Variants in RANBP2 observed in about 807,000 individuals in gnomAD.
RANBP2 encodes the protein E3 SUMO-protein ligase RanBP2.
A neutral mutation model predicts 303.6 loss-of-function variants in RANBP2; 57 were observed. The ratio of observed to expected loss-of-function variants is 0.19; its 90% CI spans 0.15 to 0.23. The LOEUF is 0.23. Ranked by LOEUF, RANBP2 falls within the 10% of genes least tolerant of loss-of-function variation. The probability of loss-of-function intolerance (pLI) is 1.00; values close to 1 mark genes in which losing one functional copy is unlikely to be tolerated. For synonymous variants in RANBP2, 1,167 were observed against 1,301.5 expected (o/e 0.90, Z 2.23); for missense variants, 3,138 against 3,780.8 (o/e 0.83, Z 4.46).
At chr2:109,614,090 G>A in the RANBP2 span, 2 of 1,211,256 alleles carry the variant, frequency 1.7e-6, no homozygotes. Context: ...GACGCCTGAG[G>A]ACTGAGCGTC....
the RANBP2 span, among the ~76,000 whole-genome samples, chr2:109,508,933 A>C: frequency 1.3e-5 from 2 of 152,222 alleles, no homozygotes; most frequent in African/African-American, 4.8e-5. Context: ...GGGGGGATGC[A>C]GTCCACTCCA....
chr2:109,649,031 G>T, the RANBP2 span, among the ~76,000 whole-genome samples: 4 of 151,998 alleles, frequency 2.6e-5, no homozygotes, highest in Non-Finnish European at 4.4e-5. Context: ...TCACAACAAC[G>T]GCGACCTGGA....
the RANBP2 span, among the ~76,000 whole-genome samples, chr2:109,731,636 G>T: frequency 6.6e-6 from 1 of 151,752 alleles, no homozygotes; most frequent in East Asian, 1.9e-4. Flanking sequence ...CTTGTGATCC[G>T]CACTCCTTGG....
At chr2:109,467,920 C>T in the RANBP2 span, among the ~76,000 whole-genome samples, 48 of 152,302 alleles carry the variant, frequency 3.2e-4, no homozygotes, top group African/African-American at 9.6e-4. Context: ...CACCCCAGGG[C>T]GCAGTCCTGT....
At chr2:109,491,943 C>T in the RANBP2 span, among the ~76,000 whole-genome samples, 4 of 152,156 alleles carry the variant, frequency 2.6e-5, no homozygotes, top group South Asian at 2.1e-4. Context: ...GGGAATGAGA[C>T]GGGGTCTATC....
the RANBP2 span, among the ~76,000 whole-genome samples, chr2:109,343,511 T>G: frequency 6.6e-6 from 1 of 152,130 alleles, no homozygotes; most frequent in Non-Finnish European, 1.5e-5. Flanking sequence ...ACCTTCTCTG[T>G]CCCCTACCCT....
the RANBP2 span, chr2:109,613,778 C>T: frequency 8.2e-6 from 10 of 1,223,042 alleles, no homozygotes; most frequent in Non-Finnish European, 1.0e-5. Context: ...GGCTGGGGCC[C>T]CGGCGTCGGC....
the RANBP2 span, among the ~76,000 whole-genome samples, chr2:109,189,291 AT>A: frequency 5.3e-5 from 8 of 150,760 alleles, no homozygotes; most frequent in Non-Finnish European, 1.2e-4. Context: ...TGGCATTCTG[AT>A]TGTCAGGCTC....
the RANBP2 span, among the ~76,000 whole-genome samples, chr2:109,386,223 C>T: frequency 0.03 from 4,644 of 152,292 alleles, 82 homozygotes; most frequent in East Asian, 0.051. Context: ...CCCAGGCTTC[C>T]GGCCTTCTCC....
chr2:109,396,588 G>C, the RANBP2 span, among the ~76,000 whole-genome samples: 3 of 152,176 alleles, frequency 2.0e-5, no homozygotes, highest in African/African-American at 7.2e-5. Flanking sequence ...AACTCATCAA[G>C]GTGCTACCAG....
At chr2:108,978,378 AG>A in the RANBP2 span, among the ~76,000 whole-genome samples, 1 of 152,172 alleles carries the variant, frequency 6.6e-6, no homozygotes, top group African/African-American at 2.4e-5. Context: ...AAGTACAAAA[AG>A]CTCAGTAAAA....
chr2:109,230,090 C>G, the RANBP2 span, among the ~76,000 whole-genome samples: 1 of 151,958 alleles, frequency 6.6e-6, no homozygotes, highest in Non-Finnish European at 1.5e-5. Flanking sequence ...TCCCAAAGTG[C>G]TGGGATTACA....
At chr2:109,425,935 T>G in the RANBP2 span, among the ~76,000 whole-genome samples, 1 of 152,184 alleles carries the variant, frequency 6.6e-6, no homozygotes. Flanking sequence ...TTTCACTCTG[T>G]CGTCCAGGCT....
the RANBP2 span, among the ~76,000 whole-genome samples, chr2:109,214,245 G>A: frequency 7.2e-5 from 11 of 152,306 alleles, no homozygotes; most frequent in African/African-American, 2.6e-4. Context: ...AAAACCACAA[G>A]AGATAAGATC....
At chr2:108,751,796 C>T (rs979665494) in intron 11 of RANBP2, 75 bp from the exon 12 acceptor site, 19 of 1,611,696 alleles carry the variant, frequency 1.2e-5, no homozygotes, top group South Asian at 2.2e-5. Flanking sequence ...GTCATGTGAC[C>T]CATTAACATA....
rs1474307802 is a variant in RANBP2, at chr2:108,784,131, C to G, written c.*230C>G. 1 of 497,226 alleles carries G rather than the reference C, an allele frequency of 2.0e-6. No individual in the cohort carries two copies. The highest frequency in any genetic ancestry group is 3.5e-5 in the East Asian group (1 of 28,926). The allele number at this position is 497,226 out of a possible 1,614,324, so 30.8% of individuals were successfully genotyped here. A position where few individuals can be genotyped will look rare whatever the true frequency, so the allele number is the denominator to read the frequency against. On this transcript the variant is annotated 3_prime_UTR_variant, in exon 29 of 29. Coordinates refer to ENST00000283195, the MANE Select transcript of RANBP2 (RefSeq NM_006267.5). ...TTTCAGGTGTACTTGTGTTTATGTA[C>G]TCCTGACGTATTAAAATGGAATAAT...
At chr2:109,299,600 G>GT in the RANBP2 span, among the ~76,000 whole-genome samples, 1 of 152,182 alleles carries the variant, frequency 6.6e-6, no homozygotes, top group Non-Finnish European at 1.5e-5. Context: ...ATTTCCTAAA[G>GT]TTTCCTTGCA....
chr2:109,259,140 A>G, the RANBP2 span, among the ~76,000 whole-genome samples: 2 of 152,368 alleles, frequency 1.3e-5, no homozygotes, highest in African/African-American at 2.4e-5. Context: ...GCAACATGCC[A>G]CGCGGCTTGT....
At chr2:109,648,652 CTTTT>C in the RANBP2 span, among the ~76,000 whole-genome samples, 1 of 131,316 alleles carries the variant, frequency 7.6e-6, no homozygotes, top group Non-Finnish European at 1.6e-5. Flanking sequence ...TGATTTACAT[CTTTT>C]TTTTTTTTTT....
Sources: gnomAD v4.1 joint callset for allele counts (sites outside exome capture counted in the v4.1 genomes callset) on GRCh38, gnomAD v4.1.1 for gene constraint, MANE v1.5 for transcripts, NCBI Gene and HGNC (gene_info 2026-07-23, HGNC 2026-07-21) for gene names.